MECOM: variants seen among roughly 807,000 people sequenced by gnomAD.
MECOM encodes histone-lysine N-methyltransferase MECOM.
Under a neutral mutation model 116.3 loss-of-function variants are expected in MECOM, and 13 were observed. The observed-to-expected ratio is 0.11, with a 90% CI of 0.07 to 0.18. The LOEUF (loss-of-function observed/expected upper bound fraction) is 0.18, where lower values mean the gene tolerates loss of function less well. Among genes scored for constraint, MECOM ranks in the 10% least tolerant of loss-of-function variants. The pLI is 1.00. For missense variants in MECOM, 1,299 were observed against 1,509.0 expected (o/e 0.86, Z 2.31); for synonymous variants, 528 against 535.2 (o/e 0.99, Z 0.19).
At chr3:169,598,613 C>T (rs1767438227) in intron 1 of MECOM, among the ~76,000 whole-genome samples, 1 of 152,178 alleles carries the variant, frequency 6.6e-6, no homozygotes, top group African/African-American at 2.4e-5. Flanking sequence ...TTGAACTAGC[C>T]ATGGGATCCT....
chr3:169,641,514 C>T (rs1003419379), intron 1 of MECOM, among the ~76,000 whole-genome samples: 1 of 152,166 alleles, frequency 6.6e-6, no homozygotes, highest in Non-Finnish European at 1.5e-5. Flanking sequence ...ATTTTCCTTG[C>T]AAATTGTTAT....
At chr3:169,452,824 T>C (rs529584723) in intron 1 of MECOM, among the ~76,000 whole-genome samples, 2 of 152,362 alleles carry the variant, frequency 1.3e-5, no homozygotes, top group East Asian at 3.9e-4. Context: ...GTTGAATATT[T>C]CTATTTTTCT....
intron 2 of MECOM, among the ~76,000 whole-genome samples, chr3:169,270,169 T>G (rs1166873059): frequency 2.6e-5 from 4 of 152,214 alleles, no homozygotes; most frequent in African/African-American, 9.6e-5. Flanking sequence ...CTGGCCTATA[T>G]GTCTGGTATC....
At chr3:169,199,608 T>A (rs1249060806) in intron 2 of MECOM, among the ~76,000 whole-genome samples, 2 of 151,974 alleles carry the variant, frequency 1.3e-5, no homozygotes, top group African/African-American at 4.8e-5. Flanking sequence ...CAAAGCATTA[T>A]AATGCAATTT....
At chr3:169,310,472 A>G (rs751575146) in intron 2 of MECOM, among the ~76,000 whole-genome samples, 6 of 152,212 alleles carry the variant, frequency 3.9e-5, no homozygotes, top group African/African-American at 7.2e-5. Flanking sequence ...TCAAATTATC[A>G]TAGGCATTTT....
chr3:169,279,386 G>C (rs1041986717), intron 2 of MECOM, among the ~76,000 whole-genome samples: 5 of 152,108 alleles, frequency 3.3e-5, no homozygotes, highest in Non-Finnish European at 7.4e-5. Context: ...ACACAAAAAA[G>C]ACCAGAGTAA....
At chr3:169,095,641 CT>C (rs1721216901) in intron 12 of MECOM, among the ~76,000 whole-genome samples, 2 of 152,128 alleles carry the variant, frequency 1.3e-5, no homozygotes, top group Non-Finnish European at 2.9e-5. Flanking sequence ...TAAAATATCA[CT>C]TTTTAATTCA....
At chr3:169,629,659 G>T (rs944055171) in intron 1 of MECOM, among the ~76,000 whole-genome samples, 2 of 152,162 alleles carry the variant, frequency 1.3e-5, no homozygotes, top group African/African-American at 4.8e-5. Flanking sequence ...TGCCTTTGTG[G>T]AAAGTCCACA....
chr3:169,088,906 T>A, intron 16 of MECOM, 94 bp downstream of exon 16: 2 of 1,142,662 alleles, frequency 1.8e-6, no homozygotes, highest in Non-Finnish European at 2.3e-6. Context: ...TCTAAAATAT[T>A]TCAAAGATAG....
chr3:169,321,477 G>C (rs915539927), intron 2 of MECOM, among the ~76,000 whole-genome samples: 1 of 152,070 alleles, frequency 6.6e-6, no homozygotes, highest in Non-Finnish European at 1.5e-5. Context: ...GAAGGTGGAG[G>C]TTGCAGTGAG....
At chr3:169,191,742 G>GA (rs1559973675) in intron 2 of MECOM, among the ~76,000 whole-genome samples, 1 of 99,614 alleles carries the variant, frequency 1.0e-5, no homozygotes, top group Admixed American at 1.1e-4. Flanking sequence ...GAAAGAAAGA[G>GA]AAAGAAAGAA....
intron 2 of MECOM, among the ~76,000 whole-genome samples, chr3:169,144,587 T>C (rs764383142): frequency 3.9e-5 from 6 of 152,166 alleles, no homozygotes; most frequent in Non-Finnish European, 5.9e-5. Context: ...AATTTTACAT[T>C]TGGCCCATCT....
intron 2 of MECOM, among the ~76,000 whole-genome samples, chr3:169,184,482 G>T (rs1226105836): frequency 6.6e-6 from 1 of 151,828 alleles, no homozygotes; most frequent in East Asian, 1.9e-4. Context: ...AACAAGGCTG[G>T]CTTTCTAATT....
intron 2 of MECOM, among the ~76,000 whole-genome samples, chr3:169,191,230 C>T (rs1158190258): frequency 6.6e-6 from 1 of 151,982 alleles, no homozygotes; most frequent in Non-Finnish European, 1.5e-5. Flanking sequence ...GCATGTCAGG[C>T]TGTGCATCCA....
intron 2 of MECOM, among the ~76,000 whole-genome samples, chr3:169,232,670 C>T (rs784278): frequency 0.093 from 14,080 of 151,622 alleles, 763 homozygotes; most frequent in African/African-American, 0.14. Context: ...TATGTATACA[C>T]ATATTTTTAA....
chr3:169,341,842 G>A (rs1026200868), intron 2 of MECOM, among the ~76,000 whole-genome samples: 1 of 151,904 alleles, frequency 6.6e-6, no homozygotes. Flanking sequence ...ATAAAAGAGT[G>A]TAATTGGATT....
At chr3:169,307,600 A>T (rs1278921792) in intron 2 of MECOM, among the ~76,000 whole-genome samples, 1 of 152,240 alleles carries the variant, frequency 6.6e-6, no homozygotes, top group African/African-American at 2.4e-5. Context: ...TAAATGCAGC[A>T]TCATGTTAAG....
At chr3:169,099,104 T>C (rs1276750614) in intron 12 of MECOM, among the ~76,000 whole-genome samples, 1 of 139,014 alleles carries the variant, frequency 7.2e-6, no homozygotes, top group Non-Finnish European at 1.6e-5. Flanking sequence ...ATTGGAATTC[T>C]TCTGCAAGGA....
At chr3:169,122,518 T>C in intron 6 of MECOM, 62 bp downstream of exon 6, 1 of 1,575,768 alleles carries the variant, frequency 6.3e-7, no homozygotes, top group Non-Finnish European at 8.7e-7. Flanking sequence ...TCGTAGCAAG[T>C]GATGGATTAA....
Sources: allele counts gnomAD v4.1 joint callset (sites outside exome capture counted in the v4.1 genomes callset), GRCh38; gene constraint gnomAD v4.1.1; transcripts MANE v1.5; gene names NCBI Gene and HGNC (gene_info 2026-07-23, HGNC 2026-07-21).